FAM124A: variants seen among roughly 807,000 people sequenced by gnomAD.
FAM124A encodes the protein protein FAM124A.
A neutral mutation model predicts 24.5 loss-of-function variants in FAM124A; 23 were observed. The observed-to-expected ratio is 0.94, with a 90% CI of 0.68 to 1.33. FAM124A has a LOEUF of 1.33. FAM124A is among the 40% of genes most tolerant of loss of function. The probability of loss-of-function intolerance (pLI) is 0.00; values close to 1 mark genes in which losing one functional copy is unlikely to be tolerated. For missense variants in FAM124A, 623 were observed against 722.8 expected, an observed-to-expected ratio of 0.86 and a Z score of 1.58; for synonymous variants, 287 against 314.7, an observed-to-expected ratio of 0.91 and a Z score of 0.93.
intron 3 of FAM124A, 52 bp from the exon 4 acceptor site, chr13:51,280,398 G>A: frequency 6.9e-7 from 1 of 1,453,974 alleles, no homozygotes; most frequent in Non-Finnish European, 9.3e-7. Flanking sequence ...GTTTCCTGAT[G>A]CATTTAACAA....
At chr13:51,241,062 A>C (rs983114388) in intron 2 of FAM124A, among the ~76,000 whole-genome samples, 3 of 152,248 alleles carry the variant, frequency 2.0e-5, no homozygotes, top group Non-Finnish European at 2.9e-5. Context: ...TTCCTGGCTC[A>C]GAAAGCCTTT....
At chr13:51,223,146 GT>G (rs1158539889) in intron 1 of FAM124A, among the ~76,000 whole-genome samples, 2 of 151,436 alleles carry the variant, frequency 1.3e-5, no homozygotes, top group Non-Finnish European at 2.9e-5. Context: ...CCTTTGGCCT[GT>G]TGTACCGGCG....
intron 3 of FAM124A, among the ~76,000 whole-genome samples, chr13:51,278,438 T>C (rs1398739163): frequency 2.0e-5 from 3 of 152,178 alleles, no homozygotes; most frequent in Non-Finnish European, 4.4e-5. Context: ...ACCCCACTTT[T>C]AGAAACTGAC....
intron 1 of FAM124A, among the ~76,000 whole-genome samples, chr13:51,229,224 T>G (rs1954348446): frequency 6.6e-6 from 1 of 152,220 alleles, no homozygotes; most frequent in African/African-American, 2.4e-5. Context: ...GGTTTGTGTT[T>G]TACACTAGCG....
intron 1 of FAM124A, among the ~76,000 whole-genome samples, chr13:51,229,240 G>A (rs1269747207): frequency 6.6e-6 from 1 of 152,232 alleles, no homozygotes; most frequent in African/African-American, 2.4e-5. Context: ...TAGCGAGCTT[G>A]AATTTCATCC....
chr13:51,243,343 G>T (rs370612819), intron 2 of FAM124A, among the ~76,000 whole-genome samples: 1 of 152,178 alleles, frequency 6.6e-6, no homozygotes, highest in African/African-American at 2.4e-5. Context: ...ATGAAGGCAG[G>T]TTATTCATTA....
intron 2 of FAM124A, among the ~76,000 whole-genome samples, chr13:51,235,539 C>G (rs1332477099): frequency 6.6e-6 from 1 of 152,070 alleles, no homozygotes; most frequent in East Asian, 1.9e-4. Context: ...GAAAATATGA[C>G]ATTTTTTGAA....
In FAM124A at chr13:51,280,947, C is replaced by T; in HGVS notation, c.1332C>T (p.Pro444=). 2.5e-6 allele frequency: 4 copies of T among 1,614,058 alleles called. No individual in the cohort carries two copies. Among genetic ancestry groups the T allele is most frequent in the Non-Finnish European group, 3.4e-6 (4 of 1,180,002 alleles). ...PSRFCSTVET[P]LPSERCSSHW... is the part of the protein sequence containing the mutation. Reference sequence around the variant, plus strand: ...GGTTCTGCAGCACAGTGGAGACACCCCTCCCCTCCGAAAGATGCAGCAGCC... The same window carrying T: ...GGTTCTGCAGCACAGTGGAGACACCTCTCCCCTCCGAAAGATGCAGCAGCC... The change falls in exon 4 of 4, where the codon CCC becomes CCT. Residue 444 remains proline, a synonymous_variant. Coordinates refer to ENST00000322475, the MANE Select transcript of FAM124A (RefSeq NM_001242312.2).
Position 51,251,783 on chromosome 13 carries a change from G to T in FAM124A, c.416G>T (p.Arg139Leu). ...RHHHTEQVHG[R>L]FLPYLPCSQD... ...CACCACACCGAGCAGGTGCACGGCC[G>T]GTTCCTGCCCTACCTGCCCTGCAGC... The change falls in exon 3 of 4, where the codon CGG becomes CTG. Residue 139 changes from arginine to leucine, a missense_variant. Transcript: ENST00000322475. This position sits in a 1 kb window ranked among gnomAD's most constrained non-coding sequence, Gnocchi z 5.3. The T allele has an allele frequency of 6.3e-7, 1 of 1,589,484 alleles. No individual in the cohort carries two copies. Among genetic ancestry groups the T allele is most frequent in the Non-Finnish European group, 8.6e-7 (1 of 1,168,486 alleles).
In FAM124A at chr13:51,231,377, G is replaced by A. The variant is rs773901797; in HGVS notation, c.98G>A (p.Ser33Asn). Residue 33 changes from serine (S) to asparagine (N), a missense_variant and splice_region_variant, in exon 2 of 4, where the codon AGC becomes AAC. Coordinates refer to ENST00000322475, the MANE Select transcript of FAM124A (RefSeq NM_001242312.2). ...GACTACAGCCACCTGTCCTCCACGA[G>A]CAGTAAGTATCTTTTAAACATCCTT... The part of the protein sequence containing the change: ...GSDYSHLSST[S>N]SELSVEEAQD... 10 of 1,613,910 alleles carry A rather than the reference G, an allele frequency of 6.2e-6. No individual in the cohort carries two copies.
intron 1 of FAM124A, among the ~76,000 whole-genome samples, chr13:51,225,976 CTTTTTTTTTTTTTTTTTTTT>C (rs780570797): frequency 1.5e-5 from 1 of 67,566 alleles, no homozygotes; most frequent in African/African-American, 7.5e-5. Context: ...TGCTTGCTTT[CTTTTTTTTTTTTTTTTTTTT>C]TTTTTTTTTT....
At chr13:51,267,460 T>A (rs1954799971) in intron 3 of FAM124A, among the ~76,000 whole-genome samples, 1 of 152,160 alleles carries the variant, frequency 6.6e-6, no homozygotes, top group Non-Finnish European at 1.5e-5. Context: ...TTCCTGAAAT[T>A]GAGAAGCAAA....
Position 51,252,386 on chromosome 13 carries a change from A to T in FAM124A, c.834+185A>T, listed in dbSNP as rs553392074. On this transcript the variant is annotated intron_variant, in intron 3 of 3. Transcript: ENST00000322475. ...CCCAACAAAAGAGGGGGCAAGAAAG[A>T]CTCTTCCCATTGGTTCTCTTCATTT... 26 of 731,300 alleles carry T rather than the reference A, an allele frequency of 3.6e-5. No individual in the cohort carries two copies. The African/African-American group carries it at 4.4e-4, about 12-fold the overall frequency. The allele number at this position is 731,300 out of a possible 1,614,324, so 45.3% of individuals were successfully genotyped here. A position where few individuals can be genotyped will look rare whatever the true frequency, so the allele number is the denominator to read the frequency against.
chr13:51,239,925 C>A (rs1161279312), intron 2 of FAM124A, among the ~76,000 whole-genome samples: 7 of 152,170 alleles, frequency 4.6e-5, no homozygotes, highest in Non-Finnish European at 8.8e-5. Context: ...TTTTGGAGAA[C>A]CACAGGGAAA....
chr13:51,249,869 T>G (rs1181857028), intron 2 of FAM124A, among the ~76,000 whole-genome samples: 1 of 152,258 alleles, frequency 6.6e-6, no homozygotes, highest in East Asian at 1.9e-4. Flanking sequence ...GTTGTGCAGG[T>G]TGTGCACTGC....
chr13:51,247,258 A>G (rs1000341120), intron 2 of FAM124A, among the ~76,000 whole-genome samples: 1 of 152,200 alleles, frequency 6.6e-6, no homozygotes. Flanking sequence ...AAAGGGATAC[A>G]GTGGAGAGGC....
chr13:51,275,208 A>AC (rs1333768620), intron 3 of FAM124A, among the ~76,000 whole-genome samples: 2 of 130,106 alleles, frequency 1.5e-5, no homozygotes, highest in Non-Finnish European at 3.3e-5. Flanking sequence ...CCCTGTATAT[A>AC]CAAAAAAAAA....
intron 2 of FAM124A, among the ~76,000 whole-genome samples, chr13:51,237,773 C>T (rs966925011): frequency 4.4e-5 from 6 of 137,652 alleles, no homozygotes; most frequent in African/African-American, 1.5e-4. Flanking sequence ...TATTGTATTC[C>T]AGGCATGGGG....
Position 51,282,472 on chromosome 13 carries a change from A to C in FAM124A, c.*1216A>C, listed in dbSNP as rs1954949137. The stretch of plus-strand genomic sequence containing the variant: ...GGTATTTGAATCTCACCTCCCTCTC[A>C]CCTCAGTAAGAGTATGTTTGTTTAC... On this transcript the variant is annotated 3_prime_UTR_variant, in exon 4 of 4. Transcript: ENST00000322475. The C allele has an allele frequency of 6.6e-6, 1 of 152,062 alleles. No individual in the cohort carries two copies. The highest frequency in any genetic ancestry group is 1.5e-5 in the Non-Finnish European group (1 of 68,014). 9.4% of individuals were successfully genotyped at this position (152,062 alleles called of 1,614,324 possible).
Sources: allele counts gnomAD v4.1 joint callset (sites outside exome capture counted in the v4.1 genomes callset), GRCh38; gene constraint gnomAD v4.1.1; non-coding constraint Gnocchi (gnomAD v3.1); transcripts MANE v1.5; gene names NCBI Gene and HGNC (gene_info 2026-07-23, HGNC 2026-07-21).